Variants in MINDY3 observed in about 807,000 individuals in gnomAD.
MINDY3 encodes MINDY lysine 48 deubiquitinase 3, also known as ubiquitin carboxyl-terminal hydrolase MINDY-3.
In MINDY3, 38 loss-of-function variants were observed where a neutral mutation model predicts 69.2. That is an observed-to-expected ratio of 0.55 (90% confidence interval 0.42 to 0.72). The LOEUF (loss-of-function observed/expected upper bound fraction) is 0.72, where lower values mean the gene tolerates loss of function less well. Ranked by LOEUF, MINDY3 falls within the 30% of genes least tolerant of loss-of-function variation. The probability of loss-of-function intolerance (pLI) is 0.00; values close to 1 mark genes in which losing one functional copy is unlikely to be tolerated. For missense variants in MINDY3, 522 were observed against 519.0 expected, an observed-to-expected ratio of 1.01 and a Z score of -0.06; for synonymous variants, 192 against 180.1, an observed-to-expected ratio of 1.07 and a Z score of -0.53.
intron 10 of MINDY3, among the ~76,000 whole-genome samples, chr10:15,812,116 A>C (rs1260704647): frequency 4.6e-5 from 7 of 151,796 alleles, no homozygotes; most frequent in African/African-American, 1.7e-4. Context: ...TAATTTTTGT[A>C]TTCTTAGTAG....
rs1832962333 is a variant in MINDY3 at position 15,834,757 on chromosome 10, G to A, written c.577-141C>T. 32 of 591,324 alleles carry A rather than the reference G, an allele frequency of 5.4e-5. No homozygotes were observed. In the South Asian group the frequency reaches 7.1e-4, roughly 13 times the overall value. The allele number at this position is 591,324 out of a possible 1,614,324, so 36.6% of individuals were successfully genotyped here. ...CCACAAGTAACTCAGATTTGAAATG[G>A]GGGTGCATTTGAGATAACTTTAAAA... On this transcript the variant is annotated intron_variant, in intron 6 of 14. Transcript: ENST00000277632.
intron 10 of MINDY3, among the ~76,000 whole-genome samples, chr10:15,804,453 T>C (rs1838486282): frequency 6.6e-6 from 1 of 152,182 alleles, no homozygotes; most frequent in Admixed American, 6.5e-5. Flanking sequence ...AAGTAATTCA[T>C]TACTGAAAAG....
chr10:15,786,613 C>A lies in MINDY3; in HGVS notation c.1064G>T (p.Gly355Val). 1 of 1,596,824 alleles carries A rather than the reference C, an allele frequency of 6.3e-7. No individual in the cohort carries two copies. Among genetic ancestry groups the A allele is most frequent in the Non-Finnish European group, 8.6e-7 (1 of 1,165,464 alleles). Reference protein sequence around the residue: ...NLMKNKLDPEGLGIILLGPFL... With the variant: ...NLMKNKLDPEVLGIILLGPFL... ...TGGGCCCAATAATATGATTCCTAAT[C>A]CTTCTGGATCTAATTTATTCTTCAT... Residue 355 changes from glycine to valine, a missense_variant, in exon 13 of 15, where the codon GGA (glycine) becomes GTA (valine). Physicochemically the swap from Gly to Val is moderately radical, Grantham distance 109 (BLOSUM62 -3). Transcript: ENST00000277632.
intron 13 of MINDY3, 112 bp from the exon 14 acceptor site, chr10:15,782,338 C>G: frequency 1.4e-6 from 1 of 725,586 alleles, no homozygotes; most frequent in Non-Finnish European, 2.2e-6. Context: ...TGACTGGGGA[C>G]TCATTTGACA....
intron 10 of MINDY3, among the ~76,000 whole-genome samples, chr10:15,815,696 CA>C (rs1839308488): frequency 6.6e-6 from 1 of 152,106 alleles, no homozygotes; most frequent in African/African-American, 2.4e-5. Flanking sequence ...ACGATGACCA[CA>C]GCTAAAATTT....
intron 10 of MINDY3, among the ~76,000 whole-genome samples, chr10:15,811,426 G>C (rs889423941): frequency 2.0e-5 from 3 of 151,974 alleles, no homozygotes; most frequent in African/African-American, 7.3e-5. Flanking sequence ...TCAACCACTT[G>C]CCATCACAGT....
chr10:15,832,340 CAA>C (rs1832788920), intron 8 of MINDY3, among the ~76,000 whole-genome samples: 2 of 151,958 alleles, frequency 1.3e-5, no homozygotes, highest in African/African-American at 2.4e-5. Flanking sequence ...GGTCCAGAAA[CAA>C]CTGGAAGAAG....
At chr10:15,813,375 C>T (rs1839142316) in intron 10 of MINDY3, among the ~76,000 whole-genome samples, 1 of 152,198 alleles carries the variant, frequency 6.6e-6, no homozygotes, top group Admixed American at 6.5e-5. Flanking sequence ...TTTCCCCTCT[C>T]TTCCTCTGGT....
chr10:15,844,284 C>T (rs567868730), intron 2 of MINDY3, among the ~76,000 whole-genome samples: 9 of 152,196 alleles, frequency 5.9e-5, no homozygotes, highest in African/African-American at 1.7e-4. Flanking sequence ...CTGATTTTTC[C>T]GCAAAAGGGC....
chr10:15,857,617 C>G (rs887560738), intron 1 of MINDY3, among the ~76,000 whole-genome samples: 2 of 151,960 alleles, frequency 1.3e-5, no homozygotes, highest in Admixed American at 1.3e-4. Flanking sequence ...AAAATAAAAC[C>G]CTGCCAACTT....
In MINDY3 at chr10:15,797,326, A is replaced by AT. The variant is rs34036707; in HGVS notation, c.883-1155dup. Reference sequence around the variant, plus strand: ...TAAAGCAACTTAAAAACCACTTGACATTTTTTAACATTTGTAAAATTTTGT... The same window carrying AT: ...TAAAGCAACTTAAAAACCACTTGACATTTTTTTAACATTTGTAAAATTTTGT... On this transcript the variant is annotated intron_variant, in intron 10 of 14. Transcript: ENST00000277632. 2.3e-3 allele frequency among the ~76,000 whole-genome samples: 350 copies of AT among 152,194 alleles called. 2 individuals carry two copies. The highest frequency in any genetic ancestry group is 7.8e-3 in the African/African-American group (323 of 41,554).
At chr10:15,852,188 C>T (rs866990466) in intron 1 of MINDY3, among the ~76,000 whole-genome samples, 18 of 152,192 alleles carry the variant, frequency 1.2e-4, no homozygotes, top group Middle Eastern at 3.4e-3. Context: ...CTTGCCTGAC[C>T]GGTGTTGTAT....
chr10:15,853,940 A>T (rs1834500110), intron 1 of MINDY3, among the ~76,000 whole-genome samples: 1 of 152,100 alleles, frequency 6.6e-6, no homozygotes, highest in Non-Finnish European at 1.5e-5. Flanking sequence ...CAGCTTCTCA[A>T]TGCTTACAGA....
At chr10:15,857,118 T>G (rs1409272041) in intron 1 of MINDY3, among the ~76,000 whole-genome samples, 1 of 152,124 alleles carries the variant, frequency 6.6e-6, no homozygotes, top group African/African-American at 2.4e-5. Flanking sequence ...GCCATTTCAT[T>G]TCTTATATCA....
intron 1 of MINDY3, 23 bp downstream of exon 1, chr10:15,860,183 G>C (rs1169147877): frequency 6.4e-7 from 1 of 1,570,450 alleles, no homozygotes; most frequent in Non-Finnish European, 8.7e-7. Context: ...GCGGCTGCAA[G>C]TGTGAGAGCC....
chr10:15,843,341 A>G (rs1833610485), intron 2 of MINDY3, 69 bp from the exon 3 acceptor site: 1 of 1,274,286 alleles, frequency 7.8e-7, no homozygotes, highest in Non-Finnish European at 1.1e-6. Context: ...CTTCAATTTT[A>G]AAGTGGGAAA....
intron 6 of MINDY3, among the ~76,000 whole-genome samples, chr10:15,836,858 CA>C (rs202124675): frequency 2.7e-5 from 4 of 147,066 alleles, no homozygotes; most frequent in Admixed American, 6.8e-5. Flanking sequence ...AGTGATTTTT[CA>C]AAAAAAAAAT....
chr10:15,814,788 A>G (rs1839241727), intron 10 of MINDY3, among the ~76,000 whole-genome samples: 1 of 152,088 alleles, frequency 6.6e-6, no homozygotes, highest in Admixed American at 6.5e-5. Flanking sequence ...GGGAACCACA[A>G]AAGTATCAGG....
chr10:15,791,588 A>ACG (rs1371323233), intron 11 of MINDY3, among the ~76,000 whole-genome samples: 38 of 152,132 alleles, frequency 2.5e-4, no homozygotes, highest in African/African-American at 9.1e-4. Flanking sequence ...AACGGCTAGC[A>ACG]TGTACATACT....
Sources: gnomAD v4.1 joint callset for allele counts (sites outside exome capture counted in the v4.1 genomes callset) on GRCh38, gnomAD v4.1.1 for gene constraint, MANE v1.5 for transcripts, NCBI Gene and HGNC (gene_info 2026-07-23, HGNC 2026-07-21) for gene names.